Variants in RPS6KA1 observed in about 807,000 individuals in gnomAD.
RPS6KA1 encodes the protein ribosomal protein S6 kinase alpha-1.
RPS6KA1 carries 48 observed loss-of-function variants against 91.3 expected under a neutral mutation model. The observed-to-expected ratio is 0.53, with a 90% CI of 0.42 to 0.67. The LOEUF (loss-of-function observed/expected upper bound fraction) is 0.67. RPS6KA1 is among the 30% of genes least tolerant of loss of function. RPS6KA1 has a pLI of 0.00. For missense variants in RPS6KA1, 719 were observed against 960.5 expected, an observed-to-expected ratio of 0.75 and a Z score of 3.32; for synonymous variants, 359 against 384.7, an observed-to-expected ratio of 0.93 and a Z score of 0.78.
Position 26,551,509 on chromosome 1 carries a change from C to G in RPS6KA1, c.388+32C>G, listed in dbSNP as rs1462470504. ...CTTCTGGCCCTGCCTGAGCTCCTAC[C>G]CCACCCATCCTTCGCCCTTGCCTGT... On this transcript the variant is annotated intron_variant, in intron 5 of 21. Transcript: ENST00000374168. The surrounding 1 kb of genome is among the most constrained non-coding windows in gnomAD (Gnocchi z 4.5). The G allele has an allele frequency of 6.2e-7, 1 of 1,609,864 alleles. No homozygotes were observed. Among genetic ancestry groups the G allele is most frequent in the African/African-American group, 1.3e-5 (1 of 74,856 alleles).
chr1:26,573,401 G>T (rs1245515793), intron 21 of RPS6KA1, 40 bp downstream of exon 21: 1 of 1,612,282 alleles, frequency 6.2e-7, no homozygotes, highest in South Asian at 1.1e-5. Flanking sequence ...TGGGGGGTCA[G>T]CCCAAGGTGG....
At chr1:26,564,596 C>T (rs541369553) in intron 17 of RPS6KA1, among the ~76,000 whole-genome samples, 5 of 152,270 alleles carry the variant, frequency 3.3e-5, no homozygotes, top group South Asian at 2.1e-4. Flanking sequence ...GGTAACCGTC[C>T]GATCTCCTTA....
At chr1:26,546,077 C>A in intron 2 of RPS6KA1, 1 of 1,597,004 alleles carries the variant, frequency 6.3e-7, no homozygotes, top group South Asian at 1.1e-5. Context: ...GGCTGTGTCC[C>A]TTGCAGCAGG....
chr1:26,560,951 GGT>G, intron 15 of RPS6KA1, 92 bp from the exon 16 acceptor site: 1 of 1,602,768 alleles, frequency 6.2e-7, no homozygotes, highest in Admixed American at 1.7e-5. Context: ...ATGTATGAAA[GGT>G]GTGTGGCCGA....
Position 26,571,237 on chromosome 1 carries a change from G to C in RPS6KA1, c.1591-212G>C. ...GAGAATTGAGAGTTCAGTTTTGACA[G>C]GTTAACTTAGAGCTACCTGTAGACA... On this transcript the variant is annotated intron_variant, in intron 17 of 21. Coordinates refer to ENST00000374168, the MANE Select transcript of RPS6KA1 (RefSeq NM_002953.4). This position sits in a 1 kb window ranked among gnomAD's most constrained non-coding sequence, Gnocchi z 5.1. The C allele has an allele frequency of 3.6e-6, 2 of 559,572 alleles. No individual in the cohort carries two copies. Among genetic ancestry groups the C allele is most frequent in the Non-Finnish European group, 6.4e-6 (2 of 313,844 alleles). 34.7% of individuals were successfully genotyped at this position (559,572 alleles called of 1,614,324 possible).
chr1:26,570,654 T>C (rs763699143), intron 17 of RPS6KA1, among the ~76,000 whole-genome samples: 3 of 152,198 alleles, frequency 2.0e-5, no homozygotes, highest in Non-Finnish European at 2.9e-5. Context: ...CAGATATTTA[T>C]TGAATACCTG....
At chr1:26,569,792 T>A (rs2076234585) in intron 17 of RPS6KA1, among the ~76,000 whole-genome samples, 1 of 152,196 alleles carries the variant, frequency 6.6e-6, no homozygotes, top group East Asian at 1.9e-4. Context: ...TGAACGGGCA[T>A]TCCACAGACA....
intron 13 of RPS6KA1, among the ~76,000 whole-genome samples, chr1:26,557,332 G>A (rs1239186977): frequency 6.6e-6 from 1 of 152,148 alleles, no homozygotes; most frequent in Non-Finnish European, 1.5e-5. Context: ...GAGAGTGGGA[G>A]TGGGGATGTG....
Position 26,555,758 on chromosome 1 carries a change from C to A in RPS6KA1, c.916+133C>A. ...TGTGGGCAGACAATGCCGCGGGCCA[C>A]CCTGCTTTCTGGCTCCATGTGTGGT... is the stretch of plus-strand genomic sequence containing the variant. On this transcript the variant is annotated intron_variant, in intron 11 of 21. Coordinates refer to ENST00000374168, the MANE Select transcript of RPS6KA1 (RefSeq NM_002953.4). The surrounding 1 kb of genome is among the most constrained non-coding windows in gnomAD (Gnocchi z 4.3). 1.2e-6 allele frequency: 1 copy of A among 861,876 alleles called. No individual in the cohort carries two copies. The highest frequency in any genetic ancestry group is 1.9e-6 in the Non-Finnish European group (1 of 533,520). 53.4% of individuals were successfully genotyped at this position (861,876 alleles called of 1,614,324 possible).
chr1:26,557,828 C>A (rs1264976994), intron 13 of RPS6KA1, among the ~76,000 whole-genome samples: 1 of 135,520 alleles, frequency 7.4e-6, no homozygotes, highest in Non-Finnish European at 1.6e-5. Context: ...CCTTCCCTTC[C>A]CTCTCCTCTC....
At position 26,571,256 on chromosome 1, in the gene RPS6KA1, G is replaced by A. The variant is rs2076246413; in HGVS notation, c.1591-193G>A. 3.4e-6 allele frequency: 2 copies of A among 596,406 alleles called. No individual in the cohort carries two copies. The highest frequency in any genetic ancestry group is 2.8e-5 in the East Asian group (1 of 35,546). The allele number at this position is 596,406 out of a possible 1,614,324, so 36.9% of individuals were successfully genotyped here. A position where few individuals can be genotyped will look rare whatever the true frequency, so the allele number is the denominator to read the frequency against. ...TTGACAGGTTAACTTAGAGCTACCT[G>A]TAGACACCTACACAGAGTCAGTAGC... On this transcript the variant is annotated intron_variant, in intron 17 of 21. Coordinates refer to ENST00000374168, the MANE Select transcript of RPS6KA1 (RefSeq NM_002953.4). The surrounding 1 kb of genome is among the most constrained non-coding windows in gnomAD (Gnocchi z 5.1).
chr1:26,560,909 TG>T, intron 15 of RPS6KA1, 58 bp downstream of exon 15: 1 of 1,611,750 alleles, frequency 6.2e-7, no homozygotes. Context: ...GGTCCCCGTC[TG>T]GTGGGGAGGG....
At chr1:26,548,252 C>A (rs764213003) in intron 4 of RPS6KA1, among the ~76,000 whole-genome samples, 1 of 152,008 alleles carries the variant, frequency 6.6e-6, no homozygotes, top group Non-Finnish European at 1.5e-5. Flanking sequence ...ACAGGCTGGG[C>A]AGGAGAGGCT....
In RPS6KA1 at chr1:26,547,312, G is replaced by A; in HGVS notation, c.307+42G>A. The A allele has an allele frequency of 5.1e-6, 8 of 1,566,334 alleles. No homozygotes were observed. The highest frequency in any genetic ancestry group is 7.0e-6 in the Non-Finnish European group (8 of 1,143,164). ...CCCTGTGCAGAACCCAGGCTTGGCT[G>A]AGGGAGGCAGCCCAGACTTCAAGGG... On this transcript the variant is annotated intron_variant, in intron 4 of 21. Transcript: ENST00000374168. The surrounding 1 kb of genome is among the most constrained non-coding windows in gnomAD (Gnocchi z 4.1).
chr1:26,550,835 CAG>C (rs1408322796), intron 4 of RPS6KA1, among the ~76,000 whole-genome samples: 2 of 152,132 alleles, frequency 1.3e-5, no homozygotes, highest in Non-Finnish European at 2.9e-5. Flanking sequence ...TGCTGAGAAT[CAG>C]AACTGCCCAA....
chr1:26,556,176 T>TAAAAA, intron 11 of RPS6KA1: 1 of 203,210 alleles, frequency 4.9e-6, no homozygotes. Flanking sequence ...AGGTGTCCAG[T>TAAAAA]GTGTGCTGGC....
At chr1:26,534,280 C>G (rs1418563190) in intron 1 of RPS6KA1, among the ~76,000 whole-genome samples, 2 of 152,182 alleles carry the variant, frequency 1.3e-5, no homozygotes, top group Non-Finnish European at 2.9e-5. Context: ...GTTGAACTTT[C>G]ACTGGATAAA....
At position 26,547,116 on chromosome 1, in the gene RPS6KA1, C is replaced by T. The variant is rs1028657945; in HGVS notation, c.226-73C>T. ...AGAGCAAAAAGGTCAGCTTGGGGCT[C>T]AGAGAAGATAGAGGTCAGCCTGGAC... is the stretch of plus-strand genomic sequence containing the variant. On this transcript the variant is annotated intron_variant, in intron 3 of 21. Transcript: ENST00000374168. The surrounding 1 kb of genome is among the most constrained non-coding windows in gnomAD (Gnocchi z 4.1). 4 of 1,567,528 alleles carry T rather than the reference C, an allele frequency of 2.6e-6. No individual in the cohort carries two copies. In the African/African-American group the frequency reaches 4.1e-5, roughly 16 times the overall value.
chr1:26,543,075 A>G, intron 2 of RPS6KA1: 1 of 1,419,506 alleles, frequency 7.0e-7, no homozygotes, highest in South Asian at 1.2e-5. Flanking sequence ...GGGGGGCCAG[A>G]GACCCTGCCT....
Sources: allele counts gnomAD v4.1 joint callset (sites outside exome capture counted in the v4.1 genomes callset), GRCh38; gene constraint gnomAD v4.1.1; non-coding constraint Gnocchi (gnomAD v3.1); transcripts MANE v1.5; gene names NCBI Gene and HGNC (gene_info 2026-07-23, HGNC 2026-07-21).